The following NRG1 variants were observed in gnomAD, a reference collection of about 807,000 sequenced individuals.
NRG1 encodes neuregulin 1, also known as pro-neuregulin-1, membrane-bound isoform.
A neutral mutation model predicts 63.8 loss-of-function variants in NRG1; 18 were observed. That is an observed-to-expected ratio of 0.28 (90% CI 0.19 to 0.42). NRG1 has a LOEUF of 0.42. NRG1 is among the 10% of genes least tolerant of loss of function. The probability of loss-of-function intolerance (pLI) is 1.00; values close to 1 mark genes in which losing one functional copy is unlikely to be tolerated. For missense variants in NRG1, 762 were observed against 814.7 expected (o/e 0.94, Z 0.79); for synonymous variants, 302 against 301.3 (o/e 1.00, Z -0.02).
intron 1 of NRG1, among the ~76,000 whole-genome samples, chr8:31,979,470 C>T (rs1478887104): frequency 2.0e-5 from 3 of 152,096 alleles, no homozygotes; most frequent in Non-Finnish European, 4.4e-5. Flanking sequence ...CTCCCAACTC[C>T]TGTCTTACTT....
chr8:32,461,030 A>G (rs965856172), intron 1 of NRG1, among the ~76,000 whole-genome samples: 1 of 152,166 alleles, frequency 6.6e-6, no homozygotes, highest in Admixed American at 6.5e-5. Flanking sequence ...TGAGATTTTG[A>G]ATATGGGGCT....
intron 5 of NRG1, among the ~76,000 whole-genome samples, chr8:32,714,608 G>T (rs1818695842): frequency 6.6e-6 from 1 of 152,162 alleles, no homozygotes; most frequent in African/African-American, 2.4e-5. Flanking sequence ...ATATAATTAA[G>T]CACAAAGTAA....
chr8:31,958,422 C>A (rs1275640995), intron 1 of NRG1, among the ~76,000 whole-genome samples: 1 of 152,098 alleles, frequency 6.6e-6, no homozygotes, highest in South Asian at 2.1e-4. Context: ...CATGATAGGA[C>A]AAAATTCTTC....
At chr8:32,604,505 T>A (rs1416330971) in intron 2 of NRG1, among the ~76,000 whole-genome samples, 1 of 152,204 alleles carries the variant, frequency 6.6e-6, no homozygotes. Flanking sequence ...CCCTTGTCGT[T>A]ATCCCCTTAA....
chr8:32,060,840 T>TA lies in NRG1; in HGVS notation c.37+421410dup, dbSNP rs375258496. ...TTTTAGACTCTGGTTTTCTGCCTGT[T>TA]ACGTTTTAAAATGGAGCAGTAAACA... On this transcript the variant is annotated intron_variant, in intron 1 of 10. Transcript: ENST00000519301. Among the ~76,000 whole-genome samples, 221 of 152,070 alleles carry TA rather than the reference T, an allele frequency of 1.5e-3. 1 individual carries two copies. Among genetic ancestry groups the TA allele is most frequent in the African/African-American group, 4.9e-3 (204 of 41,538 alleles).
intron 2 of NRG1, among the ~76,000 whole-genome samples, chr8:32,603,468 C>A (rs949959018): frequency 6.6e-6 from 1 of 152,000 alleles, no homozygotes. Context: ...TCCCGACTAG[C>A]GCAGTTAACT....
At chr8:32,194,483 A>G (rs1414426852) in intron 1 of NRG1, among the ~76,000 whole-genome samples, 2 of 152,070 alleles carry the variant, frequency 1.3e-5, no homozygotes. Flanking sequence ...GCATTTACAC[A>G]TCATCCAATC....
chr8:32,712,149 C>T (rs2128984793), intron 5 of NRG1, among the ~76,000 whole-genome samples: 1 of 152,232 alleles, frequency 6.6e-6, no homozygotes, highest in South Asian at 2.1e-4. Flanking sequence ...TTCTAGACAT[C>T]AATTCTAGCA....
At chr8:32,283,360 C>T (rs1853116012) in intron 1 of NRG1, among the ~76,000 whole-genome samples, 1 of 152,084 alleles carries the variant, frequency 6.6e-6, no homozygotes, top group Non-Finnish European at 1.5e-5. Flanking sequence ...AACATATAAG[C>T]TAGTTAACAT....
At chr8:32,284,627 C>A (rs1166350328) in intron 1 of NRG1, among the ~76,000 whole-genome samples, 1 of 151,982 alleles carries the variant, frequency 6.6e-6, no homozygotes, top group Non-Finnish European at 1.5e-5. Flanking sequence ...GCCTTCCAGG[C>A]TCAAGTGATC....
At chr8:31,851,394 G>A (rs201995386) in intron 1 of NRG1, among the ~76,000 whole-genome samples, 2 of 152,042 alleles carry the variant, frequency 1.3e-5, no homozygotes, top group African/African-American at 4.8e-5. Flanking sequence ...TATGATGCCT[G>A]GTTGGTGAAA....
intron 6 of NRG1, 35 bp from the exon 7 acceptor site, chr8:32,741,973 A>ATTTTTTT: frequency 7.4e-7 from 1 of 1,358,910 alleles, no homozygotes; most frequent in Non-Finnish European, 1.0e-6. Context: ...TGTCTTTAGC[A>ATTTTTTT]TTTTTTTTTT....
intron 1 of NRG1, among the ~76,000 whole-genome samples, chr8:31,836,902 A>G (rs1005384518): frequency 2.6e-5 from 4 of 152,036 alleles, no homozygotes; most frequent in African/African-American, 9.7e-5. Flanking sequence ...CTCACTGACA[A>G]TCTGTAATCT....
At chr8:32,247,244 G>A (rs1351736917) in intron 1 of NRG1, among the ~76,000 whole-genome samples, 3 of 152,052 alleles carry the variant, frequency 2.0e-5, no homozygotes, top group Non-Finnish European at 4.4e-5. Flanking sequence ...AGGGCAAAGT[G>A]ACATCGGGAC....
At chr8:32,045,284 A>G (rs1231286223) in intron 1 of NRG1, among the ~76,000 whole-genome samples, 1 of 151,966 alleles carries the variant, frequency 6.6e-6, no homozygotes, top group Admixed American at 6.6e-5. Context: ...AAACATGTAC[A>G]AGATATGTAT....
chr8:32,045,046 G>T (rs1820790302), intron 1 of NRG1, among the ~76,000 whole-genome samples: 2 of 151,320 alleles, frequency 1.3e-5, no homozygotes, highest in Admixed American at 1.3e-4. Context: ...TCTTGAAAGA[G>T]ATTAATCAAA....
intron 1 of NRG1, among the ~76,000 whole-genome samples, chr8:32,431,740 T>G (rs1342761941): frequency 1.0e-5 from 1 of 97,694 alleles, no homozygotes; most frequent in African/African-American, 3.1e-5. Context: ...TCTCTCAGGG[T>G]TTTTTTTTTC....
chr8:31,718,329 G>T (rs978882644), intron 1 of NRG1, among the ~76,000 whole-genome samples: 1 of 152,160 alleles, frequency 6.6e-6, no homozygotes, highest in Non-Finnish European at 1.5e-5. Context: ...AGACTCAGTA[G>T]CTAGATGTGG....
chr8:31,666,333 A>G (rs1806539037), intron 1 of NRG1, among the ~76,000 whole-genome samples: 1 of 152,172 alleles, frequency 6.6e-6, no homozygotes, highest in African/African-American at 2.4e-5. Context: ...GGAAAGCTCC[A>G]ATGACTCATT....
Sources: gnomAD v4.1 joint callset for allele counts (sites outside exome capture counted in the v4.1 genomes callset) on GRCh38, gnomAD v4.1.1 for gene constraint, MANE v1.5 for transcripts, NCBI Gene and HGNC (gene_info 2026-07-23, HGNC 2026-07-21) for gene names.